Variants in EGF observed in about 807,000 individuals in gnomAD.
The protein encoded by EGF is pro-epidermal growth factor.
Under a neutral mutation model 143.8 loss-of-function variants are expected in EGF, and 95 were observed. The ratio of observed to expected loss-of-function variants is 0.66; its 90% CI spans 0.56 to 0.78. The LOEUF (loss-of-function observed/expected upper bound fraction) is 0.78, where lower values mean the gene tolerates loss of function less well. EGF is among the 30% of genes least tolerant of loss of function. EGF has a pLI of 0.00. For synonymous variants in EGF, 510 were observed against 510.5 expected, an observed-to-expected ratio of 1.00 and a Z score of 0.01; for missense variants, 1,320 against 1,470.9, an observed-to-expected ratio of 0.90 and a Z score of 1.68.
intron 13 of EGF, among the ~76,000 whole-genome samples, chr4:109,979,217 A>G (rs537694380): frequency 3.3e-5 from 5 of 152,238 alleles, no homozygotes; most frequent in African/African-American, 1.2e-4. Flanking sequence ...AAATGTGGCT[A>G]AAAAGGGAAG....
At chr4:109,940,892 T>C in intron 1 of EGF, 54 bp from the exon 2 acceptor site, 3 of 1,549,780 alleles carry the variant, frequency 1.9e-6, no homozygotes, top group Non-Finnish European at 2.7e-6. Context: ...GTATTTTGTT[T>C]AAATGAGATA....
At chr4:109,993,182 C>G in intron 18 of EGF, 65 bp from the exon 19 acceptor site, 1 of 1,606,564 alleles carries the variant, frequency 6.2e-7, no homozygotes, top group Non-Finnish European at 8.5e-7. Flanking sequence ...CAAAGGCTGT[C>G]CAACTATAAA....
chr4:109,925,137 G>A (rs1738418893), intron 1 of EGF, among the ~76,000 whole-genome samples: 1 of 152,172 alleles, frequency 6.6e-6, no homozygotes, highest in Non-Finnish European at 1.5e-5. Flanking sequence ...AAGAGGAAAA[G>A]CCTGATATTA....
rs1456420854 is a variant in EGF at position 109,974,726 on chromosome 4, A to G, written c.1748A>G (p.Asp583Gly). ...AGGAAATCTCTGATTGGAAGGAGTG[A>G]TTTAAATGGGAAACGTTCCAAAATA... is the stretch of plus-strand genomic sequence containing the variant. ...DRGKSLIGRSDLNGKRSKIIT... is the reference protein window; with the variant it reads ...DRGKSLIGRSGLNGKRSKIIT... Residue 583 changes from aspartate (D) to glycine (G), a missense_variant, in exon 12 of 24, where the codon GAT (aspartate) becomes GGT (glycine). Physicochemically the swap from Asp to Gly is moderately conservative, Grantham distance 94 (BLOSUM62 -1). Coordinates refer to ENST00000265171, the MANE Select transcript of EGF (RefSeq NM_001963.6). 1 of 1,613,506 alleles carries G rather than the reference A, an allele frequency of 6.2e-7. No homozygotes were observed. Among genetic ancestry groups the G allele is most frequent in the Admixed American group, 1.7e-5 (1 of 60,018 alleles).
intron 16 of EGF, among the ~76,000 whole-genome samples, chr4:109,986,016 T>A (rs561007940): frequency 1.1e-4 from 17 of 152,296 alleles, no homozygotes; most frequent in African/African-American, 4.1e-4. Flanking sequence ...TAAGGTCACT[T>A]TTTATTCTAG....
At chr4:109,993,447 T>C in intron 19 of EGF, 78 bp downstream of exon 19, 1 of 1,583,034 alleles carries the variant, frequency 6.3e-7, no homozygotes, top group Non-Finnish European at 8.6e-7. Context: ...CTATTTGCAT[T>C]AGAGATTCTA....
Position 109,974,771 on chromosome 4 carries a change from C to G in EGF, c.1793C>G (p.Ser598Cys). 1 of 1,613,596 alleles carries G rather than the reference C, an allele frequency of 6.2e-7. No individual in the cohort carries two copies. Among genetic ancestry groups the G allele is most frequent in the Non-Finnish European group, 8.5e-7 (1 of 1,179,632 alleles). The change falls in exon 12 of 24, where the codon TCT (serine) becomes TGT (cysteine). Residue 598 changes from serine (S) to cysteine (C), a missense_variant. Coordinates refer to ENST00000265171, the MANE Select transcript of EGF (RefSeq NM_001963.6). ...RSKIITKENI[S>C]QPRGIAVHPM... ...AAAATAATCACTAAGGAGAACATCTCTCAACCACGAGGAATTGCTGTTCAT... is the reference window on the plus strand; with the variant it reads ...AAAATAATCACTAAGGAGAACATCTGTCAACCACGAGGAATTGCTGTTCAT...
At chr4:109,972,326 A>T (rs1747790325) in intron 11 of EGF, among the ~76,000 whole-genome samples, 1 of 152,232 alleles carries the variant, frequency 6.6e-6, no homozygotes, top group Non-Finnish European at 1.5e-5. Flanking sequence ...GAGCTTTAAA[A>T]GTAAATTCCA....
At position 109,993,110 on chromosome 4, in the gene EGF, TA is replaced by T. The variant is rs11569076; in HGVS notation, c.2735-130del. On this transcript the variant is annotated intron_variant, in intron 18 of 23. Transcript: ENST00000265171. ...TTTAAGTATAATAAAAAATATATAT[TA>T]AAAAAATATATAGGTCTCTGAGAAC... 1.6e-3 allele frequency: 1,412 copies of T among 866,404 alleles called. 25 individuals are homozygous for T. In the African/African-American group the frequency reaches 0.022, roughly 14 times the overall value. The allele number at this position is 866,404 out of a possible 1,614,324, so 53.7% of individuals were successfully genotyped here.
At chr4:109,935,978 T>G (rs1740714846) in intron 1 of EGF, among the ~76,000 whole-genome samples, 1 of 152,194 alleles carries the variant, frequency 6.6e-6, no homozygotes, top group Non-Finnish European at 1.5e-5. Context: ...CATGTCAATG[T>G]TCATCAGGGA....
rs952358043 is a variant in EGF, at chr4:110,013,253, T to G, written c.*1798T>G. 6.6e-6 allele frequency among the ~76,000 whole-genome samples: 1 copy of G among 152,174 alleles called. No homozygotes were observed. The highest frequency in any genetic ancestry group is 2.4e-5 in the African/African-American group (1 of 41,434). Reference sequence around the variant, plus strand: ...TCCTCCAAAAGCTCACTTTTGGGTTTAGATTAAATTTTTGTATTTTAGCAC... The same window carrying G: ...TCCTCCAAAAGCTCACTTTTGGGTTGAGATTAAATTTTTGTATTTTAGCAC... On this transcript the variant is annotated 3_prime_UTR_variant, in exon 24 of 24. Transcript: ENST00000265171.
chr4:109,980,538 C>G (rs759298252), intron 14 of EGF: 4 of 485,624 alleles, frequency 8.2e-6, no homozygotes, highest in African/African-American at 3.9e-5. Context: ...GTCAGTTTGA[C>G]TAGATGATGA....
At chr4:109,978,876 C>T (rs1748902798) in intron 13 of EGF, among the ~76,000 whole-genome samples, 1 of 152,124 alleles carries the variant, frequency 6.6e-6, no homozygotes, top group Admixed American at 6.6e-5. Flanking sequence ...TCATTGTAAC[C>T]AGAACAAGTT....
At chr4:109,947,083 C>T (rs1579563722) in intron 5 of EGF, among the ~76,000 whole-genome samples, 1 of 151,832 alleles carries the variant, frequency 6.6e-6, no homozygotes, top group East Asian at 1.9e-4. Flanking sequence ...CGTTCCACTG[C>T]ACTCCAGACT....
At chr4:109,998,931 T>A (rs1253516567) in intron 20 of EGF, among the ~76,000 whole-genome samples, 2 of 152,246 alleles carry the variant, frequency 1.3e-5, no homozygotes, top group African/African-American at 4.8e-5. Flanking sequence ...ACCTGAGATC[T>A]TAATTGTTTC....
At chr4:109,936,695 A>G (rs764023874) in intron 1 of EGF, among the ~76,000 whole-genome samples, 1 of 152,168 alleles carries the variant, frequency 6.6e-6, no homozygotes, top group African/African-American at 2.4e-5. Context: ...ACATTTCCGT[A>G]TAAACACTGC....
At chr4:109,974,244 A>G (rs1748119641) in intron 11 of EGF, among the ~76,000 whole-genome samples, 1 of 152,190 alleles carries the variant, frequency 6.6e-6, no homozygotes, top group Admixed American at 6.5e-5. Context: ...CATTTGTCTT[A>G]GAATTAAATG....
At chr4:109,943,460 T>G (rs759070960) in intron 3 of EGF, 25 bp downstream of exon 3, 41 of 1,600,916 alleles carry the variant, frequency 2.6e-5, no homozygotes, top group Non-Finnish European at 3.4e-5. Flanking sequence ...ATTCAGACAT[T>G]GAAATATATT....
intron 10 of EGF, 28 bp from the exon 11 acceptor site, chr4:109,968,943 T>A: frequency 6.2e-7 from 1 of 1,613,720 alleles, no homozygotes; most frequent in Non-Finnish European, 8.5e-7. Context: ...TAAAAAAAAA[T>A]CAGAAATGCC....
Sources: gnomAD v4.1 joint callset for allele counts (sites outside exome capture counted in the v4.1 genomes callset) on GRCh38, gnomAD v4.1.1 for gene constraint, MANE v1.5 for transcripts, NCBI Gene and HGNC (gene_info 2026-07-23, HGNC 2026-07-21) for gene names.